Variants in LNPEP observed in about 807,000 individuals in gnomAD.
LNPEP encodes the protein leucyl-cystinyl aminopeptidase.
LNPEP carries 64 observed loss-of-function variants against 120.6 expected under a neutral mutation model. The ratio of observed to expected loss-of-function variants is 0.53; its 90% confidence interval spans 0.43 to 0.65. The LOEUF (loss-of-function observed/expected upper bound fraction) is 0.65. LNPEP is among the 30% of genes least tolerant of loss of function. The pLI is 0.00. For synonymous variants in LNPEP, 435 were observed against 425.4 expected, an observed-to-expected ratio of 1.02 and a Z score of -0.28; for missense variants, 1,057 against 1,200.0, an observed-to-expected ratio of 0.88 and a Z score of 1.76.
chr5:97,013,795 G>C lies in LNPEP; in HGVS notation c.2183G>C (p.Arg728Pro), dbSNP rs773845849. 3 of 1,605,920 alleles carry C rather than the reference G, an allele frequency of 1.9e-6. No individual in the cohort carries two copies. The South Asian group carries it at 3.4e-5, about 18-fold the overall frequency. The part of the protein sequence containing the change: ...INPYVLSDKD[R>P]ANLINNIFEL... ...CCTTATGTTCTGAGTGACAAAGACC[G>C]AGCCAACCTTATCAACAACATCTTT... Residue 728 changes from arginine (R) to proline (P), a missense_variant, in exon 12 of 18, where the codon CGA (arginine) becomes CCA (proline). By Grantham distance (103) the Arg-to-Pro change is moderately radical (BLOSUM62 -2). Coordinates refer to ENST00000231368, the MANE Select transcript of LNPEP (RefSeq NM_005575.3).
At chr5:97,008,949 C>G (rs965276352) in intron 11 of LNPEP, among the ~76,000 whole-genome samples, 1 of 151,984 alleles carries the variant, frequency 6.6e-6, no homozygotes, top group Admixed American at 6.6e-5. Context: ...ACTGTGCCCA[C>G]CCTCCTCTTT....
In LNPEP at chr5:96,997,551, T is replaced by C. The variant is rs970580030; in HGVS notation, c.1522-463T>C. Among the ~76,000 whole-genome samples the C allele has an allele frequency of 1.1e-4, 17 of 152,258 alleles. No homozygotes were observed. In the South Asian group the frequency reaches 1.4e-3, roughly 13 times the overall value. The stretch of plus-strand genomic sequence containing the variant: ...ATTTCTGTTTAAGAGTTACATTTTA[T>C]TTAAAACCGACCTCAGGTAAGGGAA... On this transcript the variant is annotated intron_variant, in intron 7 of 17. Coordinates refer to ENST00000231368, the MANE Select transcript of LNPEP (RefSeq NM_005575.3).
At position 97,034,165 on chromosome 5, in the gene LNPEP, T is replaced by C. The variant is rs1288277541; in HGVS notation, c.*5632T>C. ...ATTATAGAGTAGTATAGATGGTTTT[T>C]CTTTTTTATCCATCTGCCTATCTCC... On this transcript the variant is annotated 3_prime_UTR_variant, in exon 18 of 18. Transcript: ENST00000231368. 6.6e-6 allele frequency: 1 copy of C among 152,168 alleles called. No individual in the cohort carries two copies. Among genetic ancestry groups the C allele is most frequent in the Non-Finnish European group, 1.5e-5 (1 of 68,024 alleles). The allele number at this position is 152,168 out of a possible 1,614,324, so 9.4% of individuals were successfully genotyped here. A position where few individuals can be genotyped will look rare whatever the true frequency, so the allele number is the denominator to read the frequency against.
intron 8 of LNPEP, 146 bp downstream of exon 8, chr5:96,998,291 TA>T (rs1470220896): frequency 1.0e-5 from 7 of 673,684 alleles, no homozygotes; most frequent in African/African-American, 1.9e-5. Flanking sequence ...TGCTTCTGTA[TA>T]AATCTTGGTC....
At chr5:96,944,815 C>A (rs1789148412) in intron 1 of LNPEP, among the ~76,000 whole-genome samples, 1 of 151,868 alleles carries the variant, frequency 6.6e-6, no homozygotes, top group African/African-American at 2.4e-5. Flanking sequence ...CAAGTCATCA[C>A]CCACCTCAGC....
intron 13 of LNPEP, among the ~76,000 whole-genome samples, chr5:97,017,383 G>T (rs1434337444): frequency 6.6e-6 from 1 of 151,228 alleles, no homozygotes; most frequent in Admixed American, 6.6e-5. Context: ...ATCTTTTGTT[G>T]GTCATGTATA....
chr5:96,989,943 T>C (rs1004658385), intron 4 of LNPEP, among the ~76,000 whole-genome samples: 22 of 152,210 alleles, frequency 1.4e-4, no homozygotes, highest in Non-Finnish European at 5.9e-5. Context: ...TTCTCCTGGC[T>C]TGTCCTCTAA....
intron 1 of LNPEP, among the ~76,000 whole-genome samples, chr5:96,963,686 C>T (rs759185223): frequency 5.9e-5 from 9 of 152,190 alleles, no homozygotes; most frequent in East Asian, 3.9e-4. Context: ...GATTCAGTGG[C>T]GATAGAAACT....
intron 1 of LNPEP, among the ~76,000 whole-genome samples, chr5:96,938,536 T>A (rs1433224348): frequency 2.0e-5 from 3 of 152,256 alleles, no homozygotes; most frequent in Non-Finnish European, 4.4e-5. Context: ...CTTGTCACTC[T>A]AGCCTTCAAT....
At chr5:97,002,831 G>T (rs1050023952) in intron 8 of LNPEP, among the ~76,000 whole-genome samples, 2 of 152,218 alleles carry the variant, frequency 1.3e-5, no homozygotes, top group Non-Finnish European at 2.9e-5. Flanking sequence ...AATGGATATA[G>T]TGTGGCCTTA....
intron 1 of LNPEP, among the ~76,000 whole-genome samples, chr5:96,978,356 A>G (rs1212831126): frequency 6.6e-6 from 1 of 152,046 alleles, no homozygotes; most frequent in Non-Finnish European, 1.5e-5. Flanking sequence ...TTTCCCATGG[A>G]AATATGTTGT....
In LNPEP at chr5:96,954,924, C is replaced by T. The variant is rs1211061793; in HGVS notation, c.19+18750C>T. The stretch of plus-strand genomic sequence containing the variant: ...CGGCCTCCGGAGTAGCTGGGACTAC[C>T]GGCGCCTGCCACCACGCCCGGCTAA... On this transcript the variant is annotated intron_variant, in intron 1 of 17. Coordinates refer to ENST00000231368, the MANE Select transcript of LNPEP (RefSeq NM_005575.3). Among the ~76,000 whole-genome samples the T allele has an allele frequency of 6.0e-5, 9 of 148,776 alleles. No homozygotes were observed. The East Asian group carries it at 1.6e-3, about 26-fold the overall frequency.
intron 8 of LNPEP, among the ~76,000 whole-genome samples, chr5:97,003,036 T>C (rs192699418): frequency 2.4e-4 from 36 of 152,304 alleles, no homozygotes; most frequent in Non-Finnish European, 4.6e-4. Context: ...ATGGGTGATT[T>C]AAGCACTGGG....
chr5:96,937,942 C>A (rs939987843), intron 1 of LNPEP, among the ~76,000 whole-genome samples: 49 of 152,212 alleles, frequency 3.2e-4, no homozygotes, highest in Non-Finnish European at 1.8e-4. Context: ...TCCTATCTTT[C>A]AGAGTTGATG....
At chr5:97,009,490 C>A (rs778177515) in intron 11 of LNPEP, among the ~76,000 whole-genome samples, 176 of 152,224 alleles carry the variant, frequency 1.2e-3, no homozygotes, top group Non-Finnish European at 1.7e-3. Flanking sequence ...TCCAGTCTCA[C>A]TATAAAAATT....
At chr5:96,943,755 C>T (rs150052134) in intron 1 of LNPEP, among the ~76,000 whole-genome samples, 142 of 152,188 alleles carry the variant, frequency 9.3e-4, no homozygotes, top group African/African-American at 3.2e-3. Context: ...AAGGGAGTTT[C>T]AAAAAACAAT....
At chr5:96,977,163 T>C (rs1015183131) in intron 1 of LNPEP, among the ~76,000 whole-genome samples, 9 of 152,086 alleles carry the variant, frequency 5.9e-5, no homozygotes, top group African/African-American at 2.2e-4. Context: ...GTGATCCATA[T>C]GCTCCCCAAA....
At chr5:97,005,924 A>G (rs1582021825) in intron 9 of LNPEP, 149 bp from the exon 10 acceptor site, 1 of 217,616 alleles carries the variant, frequency 4.6e-6, no homozygotes, top group African/African-American at 2.3e-5. Flanking sequence ...CTCAACATTC[A>G]TGTTTCTTTT....
At chr5:96,988,116 A>G (rs568661435) in intron 4 of LNPEP, among the ~76,000 whole-genome samples, 35 of 150,816 alleles carry the variant, frequency 2.3e-4, no homozygotes, top group Non-Finnish European at 5.2e-4. Flanking sequence ...CAGTCTTGGC[A>G]TTTTCCCCCC....
Sources: allele counts gnomAD v4.1 joint callset (sites outside exome capture counted in the v4.1 genomes callset), GRCh38; gene constraint gnomAD v4.1.1; transcripts MANE v1.5; gene names NCBI Gene and HGNC (gene_info 2026-07-23, HGNC 2026-07-21).